Variants in DCX observed in about 807,000 individuals in gnomAD.
DCX encodes the protein doublecortin.
DCX carries 4 observed loss-of-function variants against 20.9 expected under a neutral mutation model. The ratio of observed to expected loss-of-function variants is 0.19; its 90% confidence interval spans 0.09 to 0.44. The LOEUF is 0.44. Ranked by LOEUF, DCX falls within the 20% of genes least tolerant of loss-of-function variation. DCX has a pLI of 0.99. For missense variants in DCX, 133 were observed against 296.9 expected (o/e 0.45, Z 4.06); for synonymous variants, 103 against 111.4 (o/e 0.92, Z 0.47).
chrX:111,330,905 G>A lies in DCX; in HGVS notation c.945C>T (p.Asp315=), dbSNP rs927836147. ...KSPADSGNDQ[D]ANGTSSSQLS... is the part of the protein sequence containing the mutation. ...CACAGTTAGGAAAAGAGCACTCACC[G>A]TCTTGGTCGTTACCTGAGTCAGCTG... is the stretch of plus-strand genomic sequence containing the variant. Residue 315 remains aspartate (D), a splice_region_variant and synonymous_variant, in exon 5 of 7, where the codon GAC becomes GAT. Coordinates refer to ENST00000636035, the MANE Select transcript of DCX (RefSeq NM_001195553.2). The A allele has an allele frequency of 3.4e-5, 41 of 1,210,120 alleles. No homozygotes were observed. Among genetic ancestry groups the A allele is most frequent in the Middle Eastern group, 2.3e-4 (1 of 4,370 alleles).
chrX:111,371,897 G>A (rs1179141959), intron 3 of DCX, among the ~76,000 whole-genome samples: 2 of 103,655 alleles, frequency 1.9e-5, no homozygotes, highest in Non-Finnish European at 3.9e-5. Flanking sequence ...TATGCACATT[G>A]TATTATATAT....
At chrX:111,376,240 C>A (rs907324452) in intron 3 of DCX, among the ~76,000 whole-genome samples, 3 of 111,817 alleles carry the variant, frequency 2.7e-5, no homozygotes, top group Admixed American at 9.5e-5. Flanking sequence ...TAACACACCC[C>A]GCACAGAGTC....
At chrX:111,400,708 G>A (rs1927704288) in intron 3 of DCX, among the ~76,000 whole-genome samples, 2 of 112,302 alleles carry the variant, frequency 1.8e-5, no homozygotes, top group Admixed American at 1.9e-4. Context: ...AGAATTCATA[G>A]AACCTAGGTT....
chrX:111,408,423 C>T (rs1928377258), intron 2 of DCX, among the ~76,000 whole-genome samples: 1 of 109,814 alleles, frequency 9.1e-6, no homozygotes, highest in African/African-American at 3.3e-5. Context: ...GAGTTCAAGG[C>T]CAGCCTGACT....
At chrX:111,306,960 T>C (rs1473264586) in intron 6 of DCX, among the ~76,000 whole-genome samples, 3 of 110,960 alleles carry the variant, frequency 2.7e-5, no homozygotes, top group African/African-American at 9.8e-5. Flanking sequence ...TGCTATCCCA[T>C]AGAAACAGAA....
intron 2 of DCX, among the ~76,000 whole-genome samples, chrX:111,409,568 G>T (rs1176468663): frequency 8.9e-6 from 1 of 111,856 alleles, no homozygotes; most frequent in African/African-American, 3.3e-5. Flanking sequence ...CTGTGAATAT[G>T]TCCAGGAAAT....
At chrX:111,306,573 A>G (rs2095045790) in intron 6 of DCX, among the ~76,000 whole-genome samples, 1 of 111,438 alleles carries the variant, frequency 9.0e-6, no homozygotes, top group African/African-American at 3.3e-5. Context: ...ACTATAAACA[A>G]ATACACATCT....
chrX:111,409,804 G>A (rs1928548128), intron 2 of DCX, among the ~76,000 whole-genome samples: 1 of 111,658 alleles, frequency 9.0e-6, no homozygotes, highest in South Asian at 3.8e-4. Flanking sequence ...TTATACCCTG[G>A]CAGATAAGCA....
At chrX:111,345,081 A>G (rs1452801299) in intron 3 of DCX, among the ~76,000 whole-genome samples, 1 of 111,671 alleles carries the variant, frequency 9.0e-6, no homozygotes, top group African/African-American at 3.3e-5. Flanking sequence ...CCTCAGACAT[A>G]ATACCACACA....
intron 5 of DCX, among the ~76,000 whole-genome samples, chrX:111,313,281 A>G (rs1415540192): frequency 1.8e-5 from 2 of 110,410 alleles, no homozygotes; most frequent in Non-Finnish European, 3.8e-5. Flanking sequence ...TTCCTACCTC[A>G]TTCTGCATGT....
In DCX at chrX:111,401,176, G is replaced by C. The variant is rs1193900237; in HGVS notation, c.519C>G (p.Asn173Lys). The C allele has an allele frequency of 8.3e-7, 1 of 1,211,406 alleles. No homozygotes were observed. The highest frequency in any genetic ancestry group is 1.8e-5 in the South Asian group (1 of 56,955). Residue 173 changes from asparagine (N) to lysine (K), a missense_variant, in exon 3 of 7, where the codon AAC becomes AAG. Asn to Lys is a moderately conservative substitution (Grantham distance 94, BLOSUM62 0). This residue lies in a region of DCX where 65 missense variants were observed against 212.6 expected (regional missense o/e 0.31). Coordinates refer to ENST00000636035, the MANE Select transcript of DCX (RefSeq NM_001195553.2). ...CCAGCTTGGGGCGCACAAAGTCCTT[G>C]TTCTCCCTGGCCTGTGCACTGTTGC... ...ASSNSAQARE[N>K]KDFVRPKLVT...
intron 5 of DCX, among the ~76,000 whole-genome samples, chrX:111,320,530 G>A (rs759495603): frequency 1.4e-4 from 16 of 110,924 alleles, no homozygotes; most frequent in African/African-American, 4.6e-4. Flanking sequence ...ATTTCTAAGC[G>A]GCAATTAGGA....
chrX:111,388,413 C>T (rs1461583307), intron 3 of DCX, among the ~76,000 whole-genome samples: 6 of 111,655 alleles, frequency 5.4e-5, no homozygotes, highest in African/African-American at 2.0e-4. Flanking sequence ...TCCTTTCAGC[C>T]TTGAAGGTTT....
chrX:111,327,195 T>C (rs182084301), intron 5 of DCX, among the ~76,000 whole-genome samples: 226 of 111,868 alleles, frequency 2.0e-3, no homozygotes, highest in Non-Finnish European at 2.9e-3. Flanking sequence ...AGTCTTTTGT[T>C]ACTCAGGTTG....
chrX:111,378,025 G>A (rs1028167898), intron 3 of DCX, among the ~76,000 whole-genome samples: 2 of 111,374 alleles, frequency 1.8e-5, no homozygotes, highest in Non-Finnish European at 3.8e-5. Context: ...CAAAACGTAG[G>A]GGCCAAGCAC....
intron 3 of DCX, among the ~76,000 whole-genome samples, chrX:111,377,165 G>T (rs761568546): frequency 9.0e-6 from 1 of 111,652 alleles, no homozygotes; most frequent in Non-Finnish European, 1.9e-5. Flanking sequence ...GCGTAAAAAG[G>T]CTGTGATTTG....
At position 111,295,360 on chromosome X, in the gene DCX, A is replaced by G. The variant is rs180686559; in HGVS notation, c.*6327T>C. On this transcript the variant is annotated 3_prime_UTR_variant, in exon 7 of 7. Coordinates refer to ENST00000636035, the MANE Select transcript of DCX (RefSeq NM_001195553.2). ...TCAAGAGTAAATGTTTAGGTGACTCAGAAGGAAAAAATACATGTCAATTAA... is the reference window on the plus strand; with the variant it reads ...TCAAGAGTAAATGTTTAGGTGACTCGGAAGGAAAAAATACATGTCAATTAA... The G allele has an allele frequency of 5.0e-3, 562 of 112,162 alleles. 5 individuals are homozygous for G. Among genetic ancestry groups the G allele is most frequent in the Non-Finnish European group, 6.9e-3 (370 of 53,254 alleles). The allele number at this position is 112,162 out of a possible 1,213,427, so 9.2% of individuals were successfully genotyped here. A position where few individuals can be genotyped will look rare whatever the true frequency, so the allele number is the denominator to read the frequency against.
chrX:111,316,997 G>T (rs2147605081), intron 5 of DCX, among the ~76,000 whole-genome samples: 1 of 112,051 alleles, frequency 8.9e-6, no homozygotes, highest in African/African-American at 3.2e-5. Context: ...TGGCCATACT[G>T]CCCAAAACAA....
At chrX:111,381,457 T>C (rs1470053028) in intron 3 of DCX, among the ~76,000 whole-genome samples, 1 of 110,421 alleles carries the variant, frequency 9.1e-6, no homozygotes, top group Non-Finnish European at 1.9e-5. Context: ...CATAATGGTA[T>C]GGGTGTAAGG....
Sources: allele counts gnomAD v4.1 joint callset (sites outside exome capture counted in the v4.1 genomes callset), GRCh38; gene constraint gnomAD v4.1.1; regional missense constraint gnomAD v4.1.1; transcripts MANE v1.5; gene names NCBI Gene and HGNC (gene_info 2026-07-23, HGNC 2026-07-21).